EXT2: variants seen among roughly 807,000 people sequenced by gnomAD.
EXT2 encodes exostosin glycosyltransferase 2.
A neutral mutation model predicts 81.6 loss-of-function variants in EXT2; 53 were observed. The ratio of observed to expected loss-of-function variants is 0.65; its 90% CI spans 0.52 to 0.82. The LOEUF is 0.82. Among genes scored for constraint, EXT2 ranks in the 40% least tolerant of loss-of-function variants. The pLI is 0.00. For missense variants in EXT2, 774 were observed against 910.2 expected (o/e 0.85, Z 1.93); for synonymous variants, 320 against 340.0 (o/e 0.94, Z 0.65).
In EXT2 at chr11:44,197,998, A is replaced by G. The variant is rs1413488415; in HGVS notation, c.1475A>G (p.Gln492Arg). 6 of 1,614,100 alleles carry G rather than the reference A, an allele frequency of 3.7e-6. No homozygotes were observed. The highest frequency in any genetic ancestry group is 5.1e-6 in the Non-Finnish European group (6 of 1,179,964). Residue 492 changes from glutamine to arginine, a missense_variant, in exon 9 of 14, where the codon CAG becomes CGG. Gln to Arg is a conservative substitution (Grantham distance 43). This residue lies in a region of EXT2 where 626 missense variants were observed against 670.5 expected (regional missense o/e 0.93). Coordinates refer to ENST00000533608, the MANE Select transcript of EXT2 (RefSeq NM_207122.2). The stretch of plus-strand genomic sequence containing the variant: ...AAACTACTTGTCGTCTGGAATAATC[A>G]GAATAAAAACCCTCCAGAAGGTAAG... ...LSKLLVVWNN[Q>R]NKNPPEDSLW...
chr11:44,098,218 C>G (rs1953928770), intron 1 of EXT2, among the ~76,000 whole-genome samples: 1 of 152,066 alleles, frequency 6.6e-6, no homozygotes, highest in Non-Finnish European at 1.5e-5. Context: ...GACTTGTTTC[C>G]TCGGATGATG....
At chr11:44,154,724 C>G (rs892465636) in intron 7 of EXT2, among the ~76,000 whole-genome samples, 1 of 152,056 alleles carries the variant, frequency 6.6e-6, no homozygotes, top group African/African-American at 2.4e-5. Flanking sequence ...GTACTGTTCT[C>G]CATAGATGCT....
chr11:44,141,814 G>C (rs565934119), intron 7 of EXT2, among the ~76,000 whole-genome samples: 1 of 152,212 alleles, frequency 6.6e-6, no homozygotes, highest in Admixed American at 6.5e-5. Context: ...TGCAGCCTAT[G>C]TAAGAAATCT....
chr11:44,173,042 A>G (rs944263160), intron 8 of EXT2, among the ~76,000 whole-genome samples: 3 of 152,224 alleles, frequency 2.0e-5, no homozygotes, highest in African/African-American at 7.2e-5. Flanking sequence ...GAATACAGAA[A>G]AAAGAAGACA....
intron 7 of EXT2, among the ~76,000 whole-genome samples, chr11:44,160,782 G>A (rs1456136454): frequency 1.3e-5 from 2 of 152,150 alleles, no homozygotes; most frequent in Admixed American, 6.5e-5. Flanking sequence ...ATAAGGGTCT[G>A]GGTATTTGTT....
intron 1 of EXT2, among the ~76,000 whole-genome samples, chr11:44,096,897 A>G (rs924243176): frequency 1.3e-5 from 2 of 152,208 alleles, no homozygotes; most frequent in African/African-American, 4.8e-5. Flanking sequence ...CTTTAACTGG[A>G]CTTAGTTTGT....
At chr11:44,210,852 C>A (rs1285490767) in intron 10 of EXT2, among the ~76,000 whole-genome samples, 2 of 152,142 alleles carry the variant, frequency 1.3e-5, no homozygotes, top group African/African-American at 4.8e-5. Flanking sequence ...GCTTGTGGAT[C>A]CAAAGACTCA....
intron 4 of EXT2, among the ~76,000 whole-genome samples, chr11:44,123,751 A>G (rs576086909): frequency 1.3e-5 from 2 of 152,346 alleles, no homozygotes; most frequent in African/African-American, 4.8e-5. Flanking sequence ...CTCAACCTGT[A>G]TAGGTTTTAT....
chr11:44,149,223 G>A (rs1954760321), intron 7 of EXT2, among the ~76,000 whole-genome samples: 1 of 152,114 alleles, frequency 6.6e-6, no homozygotes, highest in Non-Finnish European at 1.5e-5. Flanking sequence ...TTAGCTGGGT[G>A]TGGTGGTGCA....
chr11:44,133,034 C>T (rs1179763862), intron 7 of EXT2, among the ~76,000 whole-genome samples: 1 of 152,206 alleles, frequency 6.6e-6, no homozygotes, highest in African/African-American at 2.4e-5. Flanking sequence ...CACCCCTCCC[C>T]TCAGTTGTGA....
At chr11:44,241,926 T>G (rs910012372) in intron 13 of EXT2, among the ~76,000 whole-genome samples, 1 of 152,200 alleles carries the variant, frequency 6.6e-6, no homozygotes, top group East Asian at 1.9e-4. Flanking sequence ...GCCTGCCGCT[T>G]CTCCAGTGTG....
intron 7 of EXT2, among the ~76,000 whole-genome samples, chr11:44,171,381 AATCCAAT>A (rs1327433028): frequency 1.3e-5 from 2 of 152,244 alleles, no homozygotes; most frequent in Non-Finnish European, 2.9e-5. Flanking sequence ...ATCTTAATTG[AATCCAAT>A]GTGCATTTCA....
chr11:44,124,653 A>C (rs1348472693), intron 4 of EXT2, 136 bp from the exon 5 acceptor site: 4 of 713,668 alleles, frequency 5.6e-6, no homozygotes, highest in Non-Finnish European at 1.0e-5. Context: ...ATACTACAGA[A>C]GATAATTTTA....
At chr11:44,099,002 A>G (rs1004583943) in intron 1 of EXT2, among the ~76,000 whole-genome samples, 1 of 151,984 alleles carries the variant, frequency 6.6e-6, no homozygotes, top group Non-Finnish European at 1.5e-5. Context: ...AATATGTTCT[A>G]TTTTCTTTTT....
At chr11:44,160,051 C>T (rs544632911) in intron 7 of EXT2, among the ~76,000 whole-genome samples, 39 of 152,370 alleles carry the variant, frequency 2.6e-4, no homozygotes, top group Non-Finnish European at 5.1e-4. Context: ...ACTTTCCCTT[C>T]CCCTTTCTAG....
chr11:44,187,734 T>C (rs1407637485), intron 8 of EXT2, among the ~76,000 whole-genome samples: 1 of 152,188 alleles, frequency 6.6e-6, no homozygotes, highest in Non-Finnish European at 1.5e-5. Context: ...TTCTCTTGTT[T>C]ATTCCTTACA....
intron 3 of EXT2, among the ~76,000 whole-genome samples, chr11:44,110,735 C>G (rs1199384928): frequency 6.6e-6 from 1 of 152,104 alleles, no homozygotes; most frequent in Non-Finnish European, 1.5e-5. Context: ...TTTCATTTGT[C>G]TGCAGGAAGG....
intron 7 of EXT2, among the ~76,000 whole-genome samples, chr11:44,154,675 C>A (rs561664964): frequency 6.6e-6 from 1 of 152,204 alleles, no homozygotes; most frequent in South Asian, 2.1e-4. Context: ...ATTGCTGGAT[C>A]ATAGTTTAGT....
At chr11:44,182,630 T>C (rs1203154452) in intron 8 of EXT2, among the ~76,000 whole-genome samples, 2 of 152,232 alleles carry the variant, frequency 1.3e-5, no homozygotes, top group African/African-American at 4.8e-5. Flanking sequence ...TTTATCACAG[T>C]TGCTTTATTC....
Sources: allele counts gnomAD v4.1 joint callset (sites outside exome capture counted in the v4.1 genomes callset), GRCh38; gene constraint gnomAD v4.1.1; regional missense constraint gnomAD v4.1.1; transcripts MANE v1.5; gene names NCBI Gene and HGNC (gene_info 2026-07-23, HGNC 2026-07-21).